Variants in BTBD9 observed in about 807,000 individuals in gnomAD.
BTBD9 encodes the protein BTB domain containing 9, also known as BTB/POZ domain-containing protein 9.
BTBD9 carries 49 observed loss-of-function variants against 64.3 expected under a neutral mutation model. That is an observed-to-expected ratio of 0.76 (90% CI 0.61 to 0.97). The LOEUF is 0.97. Ranked by LOEUF, BTBD9 falls within the 50% of genes least tolerant of loss-of-function variation. The pLI is 0.00. For synonymous variants in BTBD9, 260 were observed against 274.7 expected (o/e 0.95, Z 0.53); for missense variants, 598 against 762.1 (o/e 0.78, Z 2.53).
At chr6:38,237,825 G>A (rs529014522) in intron 9 of BTBD9, among the ~76,000 whole-genome samples, 1 of 134,978 alleles carries the variant, frequency 7.4e-6, no homozygotes, top group Non-Finnish European at 1.6e-5. Context: ...CTTTTCAATG[G>A]TATTTTCCAA....
At chr6:38,413,219 C>T (rs866934961) in intron 6 of BTBD9, among the ~76,000 whole-genome samples, 2 of 152,078 alleles carry the variant, frequency 1.3e-5, no homozygotes, top group South Asian at 2.1e-4. Flanking sequence ...TCTTCAGTAA[C>T]GTGGCTTAAA....
In BTBD9 at chr6:38,216,593, G is replaced by A. The variant is rs12207733; in HGVS notation, c.1563-23996C>T. On this transcript the variant is annotated intron_variant, in intron 9 of 10. Transcript: ENST00000481247. Reference sequence around the variant, plus strand: ...TCCTAAACTCTATTATTTCCCTGTGGACCACAGTGGTTGGCAGCTGGTAAA... The same window carrying A: ...TCCTAAACTCTATTATTTCCCTGTGAACCACAGTGGTTGGCAGCTGGTAAA... Among the ~76,000 whole-genome samples, 363 of 152,304 alleles carry A rather than the reference G, an allele frequency of 2.4e-3. 2 individuals are homozygous for A. Among genetic ancestry groups the A allele is most frequent in the Non-Finnish European group, 4.6e-3 (315 of 68,024 alleles).
At chr6:38,470,165 G>A (rs1269128349) in intron 6 of BTBD9, among the ~76,000 whole-genome samples, 1 of 152,148 alleles carries the variant, frequency 6.6e-6, no homozygotes, top group Non-Finnish European at 1.5e-5. Context: ...AATCTTTAAG[G>A]TCTCTGCAGA....
At position 38,369,928 on chromosome 6, in the gene BTBD9, CTG is replaced by C. The variant is rs563873817; in HGVS notation, c.1155-24837_1155-24836del. Reference sequence around the variant, plus strand: ...GTATTCTCACTGAAGAAGAGGATGTCTGTGGATAAAACAGTAATGACAGAGAG... The same window carrying C: ...GTATTCTCACTGAAGAAGAGGATGTCTGGATAAAACAGTAATGACAGAGAG... On this transcript the variant is annotated intron_variant, in intron 6 of 10. Transcript: ENST00000481247. Among the ~76,000 whole-genome samples, 22 of 152,338 alleles carry C rather than the reference CTG, an allele frequency of 1.4e-4. No homozygotes were observed. The South Asian group carries it at 4.4e-3, about 30-fold the overall frequency.
At chr6:38,358,357 T>TA (rs957946755) in intron 6 of BTBD9, among the ~76,000 whole-genome samples, 3 of 152,108 alleles carry the variant, frequency 2.0e-5, no homozygotes, top group African/African-American at 7.2e-5. Flanking sequence ...GAAGACCTGA[T>TA]AGATTCAGCT....
At chr6:38,455,567 C>T (rs11751154) in intron 6 of BTBD9, among the ~76,000 whole-genome samples, 5,828 of 152,318 alleles carry the variant, frequency 0.038, 161 homozygotes, top group Non-Finnish European at 0.058. Context: ...ATCTGAGATA[C>T]ATACATGCTG....
intron 7 of BTBD9, among the ~76,000 whole-genome samples, chr6:38,328,639 C>A (rs530334497): frequency 1.2e-4 from 16 of 138,120 alleles, no homozygotes; most frequent in Admixed American, 5.5e-4. Context: ...CAAATTCATA[C>A]ATGCAATTAA....
intron 7 of BTBD9, among the ~76,000 whole-genome samples, chr6:38,295,124 T>A (rs767194584): frequency 6.6e-6 from 1 of 152,216 alleles, no homozygotes; most frequent in Non-Finnish European, 1.5e-5. Context: ...ATTTAATCTT[T>A]TTCTTTATGA....
chr6:38,538,631 C>G (rs1035140943), intron 6 of BTBD9, among the ~76,000 whole-genome samples: 1 of 151,836 alleles, frequency 6.6e-6, no homozygotes, highest in Non-Finnish European at 1.5e-5. Context: ...TACCTTCCCC[C>G]GCCCCCCAAA....
intron 6 of BTBD9, among the ~76,000 whole-genome samples, chr6:38,567,388 A>C (rs972302448): frequency 4.6e-5 from 7 of 152,228 alleles, no homozygotes; most frequent in Non-Finnish European, 1.0e-4. Context: ...ATTTGGAAGA[A>C]GAATTATTAA....
At chr6:38,394,036 AC>A (rs1365809519) in intron 6 of BTBD9, among the ~76,000 whole-genome samples, 8 of 152,072 alleles carry the variant, frequency 5.3e-5, no homozygotes, top group Non-Finnish European at 8.8e-5. Flanking sequence ...CCATCCATCC[AC>A]TCACCCATCT....
At chr6:38,510,042 A>C (rs987607412) in intron 6 of BTBD9, among the ~76,000 whole-genome samples, 1 of 152,224 alleles carries the variant, frequency 6.6e-6, no homozygotes, top group African/African-American at 2.4e-5. Context: ...GCACCACCAA[A>C]AAACACACAA....
Position 38,342,884 on chromosome 6 carries a change from C to T in BTBD9, c.1264+2100G>A, listed in dbSNP as rs148064408. ...CTCTGTAAGGTAAGCAGAGCTGCAACGTCAGACAGAGGATAACGAAATCCC... is the reference window on the plus strand; with the variant it reads ...CTCTGTAAGGTAAGCAGAGCTGCAATGTCAGACAGAGGATAACGAAATCCC... On this transcript the variant is annotated intron_variant, in intron 7 of 10. Coordinates refer to ENST00000481247, the MANE Select transcript of BTBD9 (RefSeq NM_001099272.2). Among the ~76,000 whole-genome samples the T allele has an allele frequency of 6.4e-3, 971 of 152,286 alleles. 6 individuals carry two copies. Among genetic ancestry groups the T allele is most frequent in the Non-Finnish European group, 0.01 (708 of 68,026 alleles).
chr6:38,380,637 C>G (rs1765887305), intron 6 of BTBD9, among the ~76,000 whole-genome samples: 1 of 152,166 alleles, frequency 6.6e-6, no homozygotes, highest in African/African-American at 2.4e-5. Flanking sequence ...TGAGATCAAT[C>G]TGGGAAACAC....
At chr6:38,593,874 T>C (rs1211930662) in intron 3 of BTBD9, 90 bp downstream of exon 3, 4 of 1,186,104 alleles carry the variant, frequency 3.4e-6, no homozygotes, top group East Asian at 2.4e-5. Flanking sequence ...TGATTTTTTT[T>C]ATTATTCTTA....
At chr6:38,422,342 C>G (rs1001375110) in intron 6 of BTBD9, among the ~76,000 whole-genome samples, 2 of 152,102 alleles carry the variant, frequency 1.3e-5, no homozygotes, top group African/African-American at 4.8e-5. Context: ...TCCTACAACC[C>G]ATTCTTTTCC....
chr6:38,335,214 T>C (rs1308384563), intron 7 of BTBD9, among the ~76,000 whole-genome samples: 1 of 151,906 alleles, frequency 6.6e-6, no homozygotes, highest in African/African-American at 2.4e-5. Context: ...TTATAAATTA[T>C]CTAGTCCCAA....
intron 6 of BTBD9, among the ~76,000 whole-genome samples, chr6:38,466,858 G>A (rs1041964148): frequency 3.3e-5 from 5 of 152,138 alleles, no homozygotes; most frequent in Non-Finnish European, 4.4e-5. Context: ...GATTACAGGC[G>A]TGAGCCACCG....
At chr6:38,407,094 T>A (rs867122395) in intron 6 of BTBD9, among the ~76,000 whole-genome samples, 3 of 152,372 alleles carry the variant, frequency 2.0e-5, no homozygotes, top group Non-Finnish European at 1.5e-5. Context: ...AATAAAAATG[T>A]ATGTTGCACC....
Sources: gnomAD v4.1 joint callset for allele counts (sites outside exome capture counted in the v4.1 genomes callset) on GRCh38, gnomAD v4.1.1 for gene constraint, MANE v1.5 for transcripts, NCBI Gene and HGNC (gene_info 2026-07-23, HGNC 2026-07-21) for gene names.